VEPH1: variants seen among roughly 807,000 people sequenced by gnomAD.
VEPH1 encodes ventricular zone expressed PH domain containing 1.
Under a neutral mutation model 85.2 loss-of-function variants are expected in VEPH1, and 80 were observed. The ratio of observed to expected loss-of-function variants is 0.94; its 90% CI spans 0.78 to 1.13. VEPH1 has a LOEUF of 1.13. Ranked by LOEUF, VEPH1 falls within the 50% of genes most tolerant of loss-of-function variation. The pLI, the probability that VEPH1 is intolerant of heterozygous loss-of-function variation, is 0.00. For missense variants in VEPH1, 955 were observed against 980.5 expected (o/e 0.97, Z 0.35); for synonymous variants, 297 against 348.0 (o/e 0.85, Z 1.63).
chr3:157,312,354 T>C lies in VEPH1; in HGVS notation c.2010+1267A>G, dbSNP rs1720199300. Among the ~76,000 whole-genome samples the C allele has an allele frequency of 2.0e-5, 3 of 152,214 alleles. No individual in the cohort carries two copies. In the South Asian group the frequency reaches 6.2e-4, roughly 32 times the overall value. ...GAAGAGATTAATAACCATTCTTTTCTCTCAATGTACATATTTCCCTTGAGC... is the reference window on the plus strand; with the variant it reads ...GAAGAGATTAATAACCATTCTTTTCCCTCAATGTACATATTTCCCTTGAGC... On this transcript the variant is annotated intron_variant, in intron 11 of 13. Coordinates refer to ENST00000362010, the MANE Select transcript of VEPH1 (RefSeq NM_001167912.2).
At chr3:157,440,483 A>G (rs1204941089) in intron 4 of VEPH1, among the ~76,000 whole-genome samples, 1 of 152,054 alleles carries the variant, frequency 6.6e-6, no homozygotes, top group Non-Finnish European at 1.5e-5. Flanking sequence ...TTCTGGAACC[A>G]TTCTGGGAGT....
At chr3:157,389,182 G>A (rs1043905718) in intron 6 of VEPH1, among the ~76,000 whole-genome samples, 4 of 152,058 alleles carry the variant, frequency 2.6e-5, no homozygotes, top group African/African-American at 7.3e-5. Context: ...TTGAACCCAT[G>A]GCCAACAGCA....
At chr3:157,306,096 G>C (rs893887565) in intron 11 of VEPH1, among the ~76,000 whole-genome samples, 4 of 152,034 alleles carry the variant, frequency 2.6e-5, no homozygotes, top group African/African-American at 7.2e-5. Context: ...AGACAGAAAA[G>C]CATCTACAAA....
chr3:157,265,798 G>A, intron 12 of VEPH1, 136 bp from the exon 13 acceptor site: 1 of 897,348 alleles, frequency 1.1e-6, no homozygotes, highest in Non-Finnish European at 1.6e-6. Flanking sequence ...GATGAATTTG[G>A]TTAACCTTTC....
intron 10 of VEPH1, among the ~76,000 whole-genome samples, chr3:157,315,329 CA>C (rs1720631517): frequency 6.6e-6 from 1 of 151,958 alleles, no homozygotes; most frequent in South Asian, 2.1e-4. Context: ...TAAGAGCCAG[CA>C]ATAGATAAAT....
intron 11 of VEPH1, among the ~76,000 whole-genome samples, 178 bp downstream of exon 11, chr3:157,313,443 C>T (rs1166043797): frequency 6.6e-6 from 1 of 152,102 alleles, no homozygotes; most frequent in East Asian, 1.9e-4. Context: ...TTACTGGTAC[C>T]ACTCTATTCT....
At chr3:157,273,997 G>A (rs1715063702) in intron 12 of VEPH1, among the ~76,000 whole-genome samples, 1 of 152,224 alleles carries the variant, frequency 6.6e-6, no homozygotes, top group South Asian at 2.1e-4. Context: ...GCCGACCTCA[G>A]TTGAAGTCCA....
chr3:157,348,290 G>A (rs1461412435), intron 9 of VEPH1, among the ~76,000 whole-genome samples: 2 of 152,122 alleles, frequency 1.3e-5, no homozygotes, highest in Non-Finnish European at 1.5e-5. Flanking sequence ...TTGCTGGATC[G>A]TATGGTAGTT....
At chr3:157,365,799 C>A (rs890723508) in intron 7 of VEPH1, among the ~76,000 whole-genome samples, 3 of 152,144 alleles carry the variant, frequency 2.0e-5, no homozygotes, top group African/African-American at 7.2e-5. Flanking sequence ...CTTCTGTGCC[C>A]TTTCTGGGTA....
chr3:157,500,522 T>C (rs1248675673), intron 1 of VEPH1, among the ~76,000 whole-genome samples: 3 of 152,196 alleles, frequency 2.0e-5, no homozygotes, highest in African/African-American at 7.2e-5. Context: ...GCCATCCACA[T>C]TTGGAGAACT....
chr3:157,318,340 G>T (rs1720973644), intron 9 of VEPH1, among the ~76,000 whole-genome samples: 1 of 152,176 alleles, frequency 6.6e-6, no homozygotes, highest in Admixed American at 6.5e-5. Flanking sequence ...AGGCATGGTG[G>T]CTCATGCCTG....
chr3:157,337,495 C>A (rs1318348971), intron 9 of VEPH1, among the ~76,000 whole-genome samples: 1 of 152,110 alleles, frequency 6.6e-6, no homozygotes, highest in Non-Finnish European at 1.5e-5. Context: ...AAAAAATAAT[C>A]TTGCTCCATA....
intron 2 of VEPH1, among the ~76,000 whole-genome samples, chr3:157,485,916 A>T (rs1017002682): frequency 6.6e-6 from 1 of 152,156 alleles, no homozygotes; most frequent in South Asian, 2.1e-4. Context: ...TCCAAGAAAC[A>T]AATAACAATC....
intron 9 of VEPH1, among the ~76,000 whole-genome samples, chr3:157,340,294 G>A (rs1224477701): frequency 1.3e-5 from 2 of 152,180 alleles, no homozygotes; most frequent in South Asian, 2.1e-4. Context: ...TGTGACAGAC[G>A]GCACCTGGAA....
rs761276997 is a variant in VEPH1 at position 157,364,549 on chromosome 3, A to G, written c.1128-37T>C. ...TAAATCATTGCATTAGATGCAGGTC[A>G]TATATACTCTTCAGAACAGTGTTAT... is the stretch of plus-strand genomic sequence containing the variant. On this transcript the variant is annotated intron_variant, in intron 7 of 13. Transcript: ENST00000362010. The G allele has an allele frequency of 3.8e-6, 6 of 1,572,840 alleles. No homozygotes were observed. The East Asian group carries it at 1.3e-4, about 35-fold the overall frequency.
At chr3:157,488,781 C>T (rs938427340) in intron 2 of VEPH1, among the ~76,000 whole-genome samples, 7 of 152,008 alleles carry the variant, frequency 4.6e-5, no homozygotes, top group Admixed American at 1.3e-4. Flanking sequence ...TAAAGTGGAA[C>T]TCGTGATTCT....
At chr3:157,301,471 C>T (rs553112100) in intron 11 of VEPH1, among the ~76,000 whole-genome samples, 175 of 152,288 alleles carry the variant, frequency 1.1e-3, no homozygotes, top group African/African-American at 4.0e-3. Context: ...TTTCACTCAT[C>T]TCTACAATCC....
chr3:157,405,198 G>T (rs1032329483), intron 6 of VEPH1, among the ~76,000 whole-genome samples: 2 of 152,164 alleles, frequency 1.3e-5, no homozygotes, highest in Non-Finnish European at 2.9e-5. Flanking sequence ...AACTGTCCCA[G>T]CTCACAGGGA....
At chr3:157,381,777 A>C (rs746952112) in intron 6 of VEPH1, 2 of 185,088 alleles carry the variant, frequency 1.1e-5, no homozygotes, top group African/African-American at 2.4e-5. Flanking sequence ...GCAGCAGATG[A>C]TAATTCTATA....
Sources: allele counts gnomAD v4.1 joint callset (sites outside exome capture counted in the v4.1 genomes callset), GRCh38; gene constraint gnomAD v4.1.1; transcripts MANE v1.5; gene names NCBI Gene and HGNC (gene_info 2026-07-23, HGNC 2026-07-21).